Variants in SEC23IP observed in about 807,000 individuals in gnomAD.
The protein encoded by SEC23IP is SEC23 interacting protein.
A neutral mutation model predicts 113.4 loss-of-function variants in SEC23IP; 70 were observed. The observed-to-expected ratio is 0.62, with a 90% CI of 0.51 to 0.75. The LOEUF is 0.75. SEC23IP is among the 30% of genes least tolerant of loss of function. The probability of loss-of-function intolerance (pLI) is 0.00; values close to 1 mark genes in which losing one functional copy is unlikely to be tolerated. For synonymous variants in SEC23IP, 398 were observed against 421.0 expected, an observed-to-expected ratio of 0.95 and a Z score of 0.67; for missense variants, 1,160 against 1,204.9, an observed-to-expected ratio of 0.96 and a Z score of 0.55.
At chr10:119,910,391 A>G (rs1485043188) in intron 5 of SEC23IP, among the ~76,000 whole-genome samples, 1 of 152,166 alleles carries the variant, frequency 6.6e-6, no homozygotes, top group African/African-American at 2.4e-5. Context: ...ATGATCTCCC[A>G]GGGTCATATT....
At chr10:119,931,498 C>T (rs894593180) in intron 15 of SEC23IP, among the ~76,000 whole-genome samples, 8 of 150,954 alleles carry the variant, frequency 5.3e-5, no homozygotes, top group African/African-American at 9.8e-5. Context: ...CTGTGTCTGG[C>T]CCCTATGTTT....
At chr10:119,911,559 T>C (rs1854864828) in intron 5 of SEC23IP, among the ~76,000 whole-genome samples, 1 of 152,142 alleles carries the variant, frequency 6.6e-6, no homozygotes, top group Non-Finnish European at 1.5e-5. Flanking sequence ...TATTGCAGCC[T>C]CGACCTCTTG....
intron 2 of SEC23IP, among the ~76,000 whole-genome samples, chr10:119,901,052 G>GA (rs1564905874): frequency 7.2e-6 from 1 of 139,844 alleles, no homozygotes. Context: ...AGTGGGGGGG[G>GA]GGTCTTGCTC....
intron 3 of SEC23IP, among the ~76,000 whole-genome samples, chr10:119,903,394 C>T (rs1854561406): frequency 6.6e-6 from 1 of 152,186 alleles, no homozygotes; most frequent in Non-Finnish European, 1.5e-5. Flanking sequence ...TTTGGAAATG[C>T]TGCTCTCTGT....
intron 1 of SEC23IP, 31 bp from the exon 2 acceptor site, chr10:119,898,396 T>C (rs1287677286): frequency 6.3e-7 from 1 of 1,583,580 alleles, no homozygotes; most frequent in Non-Finnish European, 8.6e-7. Context: ...AGAGTACCCT[T>C]TAAACCACAT....
chr10:119,892,750 C>T lies in SEC23IP; in HGVS notation c.-33C>T, dbSNP rs771694692. On this transcript the variant is annotated 5_prime_UTR_variant, in exon 1 of 19. Coordinates refer to ENST00000369075, the MANE Select transcript of SEC23IP (RefSeq NM_007190.4). ...CGGTCAGTGGTGTGGTACCGGGTAC[C>T]CGGAGACGTGTATCGGACGGTGGGC... 15 of 1,578,988 alleles carry T rather than the reference C, an allele frequency of 9.5e-6. No individual in the cohort carries two copies. The highest frequency in any genetic ancestry group is 1.1e-5 in the Non-Finnish European group (13 of 1,161,354).
intron 16 of SEC23IP, 128 bp from the exon 17 acceptor site, chr10:119,932,866 GGAACGGGGAGT>G: frequency 1.5e-6 from 1 of 666,906 alleles, no homozygotes. Flanking sequence ...GCTCTTTGGA[GGAACGGGGAGT>G]GAGCCTGGTA....
At chr10:119,907,580 C>T (rs991335429) in intron 4 of SEC23IP, among the ~76,000 whole-genome samples, 2 of 152,166 alleles carry the variant, frequency 1.3e-5, no homozygotes, top group South Asian at 2.1e-4. Flanking sequence ...ATAGTACGAT[C>T]GGCCCTCCGT....
chr10:119,906,009 C>T (rs1182249075), intron 4 of SEC23IP, among the ~76,000 whole-genome samples: 2 of 152,072 alleles, frequency 1.3e-5, no homozygotes, highest in Non-Finnish European at 2.9e-5. Flanking sequence ...GGCGTGGTGG[C>T]TCCTGCCTGT....
At chr10:119,908,495 A>G (rs147478352) in intron 4 of SEC23IP, among the ~76,000 whole-genome samples, 12 of 152,328 alleles carry the variant, frequency 7.9e-5, no homozygotes, top group African/African-American at 2.9e-4. Context: ...TTTTACTGGA[A>G]TAGGATGGGC....
intron 5 of SEC23IP, among the ~76,000 whole-genome samples, chr10:119,910,545 T>C (rs1290899201): frequency 6.6e-6 from 1 of 152,182 alleles, no homozygotes; most frequent in African/African-American, 2.4e-5. Context: ...ACTTCTATAG[T>C]CCTTATTGAT....
At chr10:119,918,361 A>G (rs767911795) in intron 9 of SEC23IP, 32 bp from the exon 10 acceptor site, 1 of 1,312,728 alleles carries the variant, frequency 7.6e-7, no homozygotes, top group Admixed American at 1.8e-5. Flanking sequence ...AGTACCTACT[A>G]CATTATAAGG....
chr10:119,902,953 T>G lies in SEC23IP; in HGVS notation c.851T>G (p.Leu284Arg). The G allele has an allele frequency of 1.2e-6, 2 of 1,614,228 alleles. No homozygotes were observed. The highest frequency in any genetic ancestry group is 8.5e-7 in the Non-Finnish European group (1 of 1,180,038). Residue 284 changes from leucine to arginine, a missense_variant, in exon 3 of 19, where the codon CTG (leucine) becomes CGG (arginine). Coordinates refer to ENST00000369075, the MANE Select transcript of SEC23IP (RefSeq NM_007190.4). Reference protein sequence around the residue: ...FYCKEVEYKQLWMPFSVFDSL... With the variant: ...FYCKEVEYKQRWMPFSVFDSL... ...TGCAAGGAGGTAGAATACAAACAACTGTGGATGCCTTTTAGTGTGTTCGAC... is the reference window on the plus strand; with the variant it reads ...TGCAAGGAGGTAGAATACAAACAACGGTGGATGCCTTTTAGTGTGTTCGAC...
At chr10:119,918,670 C>T (rs1370001595) in intron 10 of SEC23IP, among the ~76,000 whole-genome samples, 159 bp downstream of exon 10, 1 of 152,070 alleles carries the variant, frequency 6.6e-6, no homozygotes, top group Admixed American at 6.5e-5. Flanking sequence ...TCTTGAGTTC[C>T]CTCCTGGCCT....
intron 18 of SEC23IP, among the ~76,000 whole-genome samples, chr10:119,938,806 A>G (rs1400000893): frequency 1.3e-5 from 2 of 152,210 alleles, no homozygotes; most frequent in African/African-American, 4.8e-5. Context: ...TGATTCGTTC[A>G]CTATAATTGT....
At position 119,932,334 on chromosome 10, in the gene SEC23IP, G is replaced by A. The variant is rs1363369268; in HGVS notation, c.2758+16G>A. 1.3e-6 allele frequency: 2 copies of A among 1,590,928 alleles called. No homozygotes were observed. Among genetic ancestry groups the A allele is most frequent in the South Asian group, 1.1e-5 (1 of 89,730 alleles). ...GTAGTTGAAGGTAAATTTGACATTT[G>A]AGGCATTTTCTAATACAAATGTTTC... is the stretch of plus-strand genomic sequence containing the variant. On this transcript the variant is annotated intron_variant, in intron 16 of 18. Transcript: ENST00000369075.
chr10:119,925,965 A>G (rs557739706), intron 12 of SEC23IP, 71 bp from the exon 13 acceptor site: 33 of 1,228,896 alleles, frequency 2.7e-5, no homozygotes, highest in Non-Finnish European at 3.4e-5. Flanking sequence ...CTGAGATAGC[A>G]TGTTTTGTAA....
chr10:119,914,465 A>G (rs1854976532), intron 6 of SEC23IP: 1 of 434,088 alleles, frequency 2.3e-6, no homozygotes, highest in Non-Finnish European at 4.2e-6. Flanking sequence ...CCATAGATAC[A>G]AACCTGCTGC....
chr10:119,908,410 A>G (rs144744142), intron 4 of SEC23IP, among the ~76,000 whole-genome samples: 1 of 152,316 alleles, frequency 6.6e-6, no homozygotes, highest in Non-Finnish European at 1.5e-5. Context: ...ATGTTGAATT[A>G]CTAATCCCCA....
Sources: gnomAD v4.1 joint callset for allele counts (sites outside exome capture counted in the v4.1 genomes callset) on GRCh38, gnomAD v4.1.1 for gene constraint, MANE v1.5 for transcripts, NCBI Gene and HGNC (gene_info 2026-07-23, HGNC 2026-07-21) for gene names.